FBXL7: variants seen among roughly 807,000 people sequenced by gnomAD.
FBXL7 encodes F-box/LRR-repeat protein 7.
A neutral mutation model predicts 38.3 loss-of-function variants in FBXL7; 12 were observed. The ratio of observed to expected loss-of-function variants is 0.31; its 90% CI spans 0.20 to 0.51. FBXL7 has a LOEUF of 0.51. Ranked by LOEUF, FBXL7 falls within the 20% of genes least tolerant of loss-of-function variation. The probability of loss-of-function intolerance (pLI) is 0.98; values close to 1 mark genes in which losing one functional copy is unlikely to be tolerated. For synonymous variants in FBXL7, 297 were observed against 300.9 expected, an observed-to-expected ratio of 0.99 and a Z score of 0.13; for missense variants, 567 against 676.4, an observed-to-expected ratio of 0.84 and a Z score of 1.79.
intron 1 of FBXL7, chr5:15,580,898 A>G: frequency 1.2e-6 from 1 of 838,706 alleles, no homozygotes; most frequent in Non-Finnish European, 1.4e-6. Context: ...GAAGGTTGGA[A>G]TCCTGTGATC....
intron 2 of FBXL7, among the ~76,000 whole-genome samples, chr5:15,871,722 G>A (rs1739972956): frequency 6.6e-6 from 1 of 151,876 alleles, no homozygotes; most frequent in East Asian, 1.9e-4. Flanking sequence ...GATCATTAAA[G>A]CATGAAGACA....
chr5:15,775,878 C>T (rs904977875), intron 2 of FBXL7, among the ~76,000 whole-genome samples: 6 of 152,244 alleles, frequency 3.9e-5, no homozygotes, highest in Non-Finnish European at 8.8e-5. Context: ...GCTTTGAACA[C>T]AGGGGAGCTT....
At chr5:15,615,874 G>GC in intron 1 of FBXL7, 109 bp from the exon 2 acceptor site, 1 of 631,356 alleles carries the variant, frequency 1.6e-6, no homozygotes, top group South Asian at 2.3e-5. Flanking sequence ...TTGTATTATA[G>GC]CTGCTTTCTT....
chr5:15,650,145 C>T (rs1182961209), intron 2 of FBXL7, among the ~76,000 whole-genome samples: 1 of 152,170 alleles, frequency 6.6e-6, no homozygotes, highest in Non-Finnish European at 1.5e-5. Context: ...ATCTCAACCT[C>T]CTGCTTCACG....
intron 1 of FBXL7, among the ~76,000 whole-genome samples, chr5:15,577,431 A>G (rs997843966): frequency 1.3e-5 from 2 of 152,168 alleles, no homozygotes; most frequent in Non-Finnish European, 2.9e-5. Flanking sequence ...TATGTGACAG[A>G]GAGTGACCGC....
chr5:15,668,718 G>A (rs1554013467), intron 2 of FBXL7, among the ~76,000 whole-genome samples: 1 of 152,066 alleles, frequency 6.6e-6, no homozygotes, highest in Non-Finnish European at 1.5e-5. Flanking sequence ...TTTATATGAG[G>A]AAAAGTAAAA....
At chr5:15,777,720 T>TAAAAAAAAAAAAAAAAAAAAA (rs371293320) in intron 2 of FBXL7, among the ~76,000 whole-genome samples, 20 of 82,510 alleles carry the variant, frequency 2.4e-4, no homozygotes, top group African/African-American at 6.8e-4. Flanking sequence ...CCTATTCTGG[T>TAAAAAAAAAAAAAAAAAAAAA]AAAAAAAAAA....
intron 1 of FBXL7, among the ~76,000 whole-genome samples, chr5:15,534,517 A>G (rs1737524541): frequency 6.6e-6 from 1 of 152,178 alleles, no homozygotes; most frequent in Non-Finnish European, 1.5e-5. Flanking sequence ...TTAGATTTGA[A>G]TAATATTCCA....
chr5:15,592,193 T>C (rs1263363464), intron 1 of FBXL7, among the ~76,000 whole-genome samples: 5 of 152,176 alleles, frequency 3.3e-5, no homozygotes, highest in Admixed American at 1.3e-4. Flanking sequence ...TGCAAAATTC[T>C]AGAACGTGGC....
intron 1 of FBXL7, among the ~76,000 whole-genome samples, chr5:15,555,784 GAGAT>G (rs70938016): frequency 0.021 from 2,897 of 139,746 alleles, 59 homozygotes; most frequent in African/African-American, 0.049. Flanking sequence ...AAGGGTAGAT[GAGAT>G]AGATAGATAG....
At chr5:15,864,404 T>A (rs545899974) in intron 2 of FBXL7, among the ~76,000 whole-genome samples, 1 of 149,680 alleles carries the variant, frequency 6.7e-6, no homozygotes, top group African/African-American at 2.5e-5. Context: ...TAAATCAAAC[T>A]TTTTTTTTCC....
chr5:15,592,507 CT>C (rs1199329967), intron 1 of FBXL7, among the ~76,000 whole-genome samples: 1 of 151,996 alleles, frequency 6.6e-6, no homozygotes, highest in Non-Finnish European at 1.5e-5. Flanking sequence ...CACAAATATT[CT>C]TTTTTTTCTA....
Position 15,705,014 on chromosome 5 carries a change from C to T in FBXL7, c.127+88942C>T, listed in dbSNP as rs528033749. On this transcript the variant is annotated intron_variant, in intron 2 of 3. Coordinates refer to ENST00000504595, the MANE Select transcript of FBXL7 (RefSeq NM_012304.5). The stretch of plus-strand genomic sequence containing the variant: ...ATATATACTTAGGCAATTTTTATCT[C>T]GTTTAAAATGGCTTGAAAGAACCAT... Among the ~76,000 whole-genome samples the T allele has an allele frequency of 2.2e-4, 33 of 151,820 alleles. No homozygotes were observed. In the South Asian group the frequency reaches 6.5e-3, roughly 30 times the overall value.
intron 2 of FBXL7, among the ~76,000 whole-genome samples, chr5:15,660,720 A>G (rs1259876288): frequency 6.6e-6 from 1 of 152,122 alleles, no homozygotes; most frequent in Non-Finnish European, 1.5e-5. Context: ...CCACTTAATC[A>G]TAAGAAGGCA....
At chr5:15,507,100 C>G (rs1736668761) in intron 1 of FBXL7, among the ~76,000 whole-genome samples, 1 of 151,556 alleles carries the variant, frequency 6.6e-6, no homozygotes, top group South Asian at 2.1e-4. Flanking sequence ...AACGTAATAT[C>G]CTATTATTGC....
intron 1 of FBXL7, among the ~76,000 whole-genome samples, chr5:15,555,790 G>GATAA (rs146879104): frequency 0.25 from 36,223 of 146,548 alleles, 4,535 homozygotes; most frequent in African/African-American, 0.28. Flanking sequence ...AGATGAGATA[G>GATAA]ATAGATAGAT....
chr5:15,643,689 A>G (rs78762372), intron 2 of FBXL7, among the ~76,000 whole-genome samples: 4,301 of 152,300 alleles, frequency 0.028, 98 homozygotes, highest in East Asian at 0.053. Flanking sequence ...GCTTCTCTCA[A>G]TACAAGGTTG....
rs569057141 is a variant in FBXL7, at chr5:15,793,426, C to G, written c.128-134464C>G. On this transcript the variant is annotated intron_variant, in intron 2 of 3. Transcript: ENST00000504595. ...GTCTCACACACTTTCTCCTCCATGT[C>G]TGTCCTCTGATGTCTCTTATAAGGA... is the stretch of plus-strand genomic sequence containing the variant. 3.3e-5 allele frequency among the ~76,000 whole-genome samples: 5 copies of G among 152,308 alleles called. No individual in the cohort carries two copies. In the East Asian group the frequency reaches 7.7e-4, roughly 24 times the overall value.
chr5:15,935,681 C>T (rs1331984307), intron 3 of FBXL7, among the ~76,000 whole-genome samples: 8 of 152,326 alleles, frequency 5.3e-5, no homozygotes, highest in Middle Eastern at 6.8e-3. Flanking sequence ...AGTTGTTCTT[C>T]CTCAACTAAA....
Sources: gnomAD v4.1 joint callset for allele counts (sites outside exome capture counted in the v4.1 genomes callset) on GRCh38, gnomAD v4.1.1 for gene constraint, MANE v1.5 for transcripts, NCBI Gene and HGNC (gene_info 2026-07-23, HGNC 2026-07-21) for gene names.